CHD6: variants seen among roughly 807,000 people sequenced by gnomAD.
CHD6 encodes the protein chromodomain helicase DNA binding protein 6, also known as ATP-dependent chromatin remodeler CHD6.
Under a neutral mutation model 276.9 loss-of-function variants are expected in CHD6, and 50 were observed. The observed-to-expected ratio is 0.18, with a 90% confidence interval of 0.14 to 0.23. The LOEUF (loss-of-function observed/expected upper bound fraction) is 0.23. Among genes scored for constraint, CHD6 ranks in the 10% least tolerant of loss-of-function variants. The probability of loss-of-function intolerance (pLI) is 1.00; values close to 1 mark genes in which losing one functional copy is unlikely to be tolerated. For missense variants in CHD6, 2,564 were observed against 3,365.8 expected (o/e 0.76, Z 5.89); for synonymous variants, 1,173 against 1,229.3 (o/e 0.95, Z 0.96).
At position 41,527,850 on chromosome 20, in the gene CHD6, T is replaced by C. The variant is rs180796444; in HGVS notation, c.554+5200A>G. 8.3e-4 allele frequency among the ~76,000 whole-genome samples: 127 copies of C among 152,314 alleles called. 1 individual carries two copies. The highest frequency in any genetic ancestry group is 2.9e-3 in the African/African-American group (121 of 41,570). ...ATCAGGTCAGGTGGCTCTGGACTCA[T>C]GAATGGATGAATATTGTTATCACAG... On this transcript the variant is annotated intron_variant, in intron 3 of 36. Transcript: ENST00000373233.
chr20:41,606,321 C>T (rs1245282710), intron 1 of CHD6, among the ~76,000 whole-genome samples: 3 of 152,148 alleles, frequency 2.0e-5, no homozygotes, highest in Non-Finnish European at 2.9e-5. Context: ...ACCACCCTGG[C>T]TAACACGGTG....
chr20:41,529,309 G>C (rs995578523), intron 3 of CHD6, among the ~76,000 whole-genome samples: 1 of 152,108 alleles, frequency 6.6e-6, no homozygotes, highest in African/African-American at 2.4e-5. Flanking sequence ...TTTTGTTGAG[G>C]AAAACAAGTC....
At chr20:41,598,423 G>A (rs552136829) in intron 1 of CHD6, among the ~76,000 whole-genome samples, 9 of 152,140 alleles carry the variant, frequency 5.9e-5, no homozygotes, top group East Asian at 1.9e-4. Flanking sequence ...TGGCTAGCAC[G>A]GATTAAATAT....
intron 5 of CHD6, among the ~76,000 whole-genome samples, chr20:41,511,693 G>A (rs1434967111): frequency 6.6e-6 from 1 of 152,008 alleles, no homozygotes; most frequent in African/African-American, 2.4e-5. Context: ...TTATACCCCA[G>A]CATCCAGCCA....
intron 17 of CHD6, among the ~76,000 whole-genome samples, chr20:41,457,849 G>A (rs2048423296): frequency 6.6e-6 from 1 of 152,098 alleles, no homozygotes; most frequent in African/African-American, 2.4e-5. Context: ...AAAATATAGG[G>A]AAGTATAATG....
intron 2 of CHD6, among the ~76,000 whole-genome samples, chr20:41,539,622 A>T (rs187813516): frequency 6.6e-6 from 1 of 152,360 alleles, no homozygotes. Context: ...CCTTAAGACC[A>T]AATTAGATAA....
chr20:41,445,746 C>G lies in CHD6; in HGVS notation c.3796G>C (p.Asp1266His). The G allele has an allele frequency of 6.2e-7, 1 of 1,613,140 alleles. No individual in the cohort carries two copies. The highest frequency in any genetic ancestry group is 1.1e-5 in the South Asian group (1 of 91,032). ...ACTGGGATCTCCATGTAGTCGATGT[C>G]AGGCAGAGGTACATCCAGCTCCCTA... ...PARELDVPLPDIDYMEIPVDW... is the reference protein window; with the variant it reads ...PARELDVPLPHIDYMEIPVDW... The change falls in exon 25 of 37, where the codon GAC (aspartate) becomes CAC (histidine). Residue 1266 changes from aspartate to histidine, a missense_variant. By Grantham distance (81) the Asp-to-His change is moderately conservative. Coordinates refer to ENST00000373233, the MANE Select transcript of CHD6 (RefSeq NM_032221.5).
intron 11 of CHD6, among the ~76,000 whole-genome samples, chr20:41,490,311 A>T (rs1218519963): frequency 3.9e-5 from 6 of 152,158 alleles, no homozygotes; most frequent in Non-Finnish European, 8.8e-5. Flanking sequence ...AACATCATAG[A>T]GTGTACCTAC....
chr20:41,585,312 T>C (rs1193387836), intron 1 of CHD6, among the ~76,000 whole-genome samples: 1 of 152,058 alleles, frequency 6.6e-6, no homozygotes, highest in Non-Finnish European at 1.5e-5. Context: ...AAGACCAGCC[T>C]GACCAACATG....
At chr20:41,532,308 G>C (rs188897484) in intron 3 of CHD6, among the ~76,000 whole-genome samples, 1 of 152,278 alleles carries the variant, frequency 6.6e-6, no homozygotes, top group East Asian at 1.9e-4. Context: ...TAGATAAACA[G>C]ATCAGGAATG....
chr20:41,456,540 C>T (rs1411982407), intron 18 of CHD6, among the ~76,000 whole-genome samples: 1 of 151,986 alleles, frequency 6.6e-6, no homozygotes, highest in African/African-American at 2.4e-5. Context: ...ATATCAATCA[C>T]AAGAGGGAAT....
At chr20:41,614,052 GTAT>G (rs2146312775) in intron 1 of CHD6, among the ~76,000 whole-genome samples, 1 of 151,000 alleles carries the variant, frequency 6.6e-6, no homozygotes, top group Non-Finnish European at 1.5e-5. Context: ...TGGTCACATA[GTAT>G]ATAAGAAAAT....
At chr20:41,406,272 T>C (rs1240302756) in intron 36 of CHD6, among the ~76,000 whole-genome samples, 1 of 152,230 alleles carries the variant, frequency 6.6e-6, no homozygotes, top group Non-Finnish European at 1.5e-5. Context: ...CTATTTTTTC[T>C]CTATTTGGAG....
chr20:41,475,652 A>G (rs2047507217), intron 16 of CHD6, among the ~76,000 whole-genome samples: 1 of 152,230 alleles, frequency 6.6e-6, no homozygotes, highest in Admixed American at 6.5e-5. Flanking sequence ...TCAATTAAAG[A>G]ACAGCCATTT....
At chr20:41,539,970 A>G (rs1284155137) in intron 2 of CHD6, among the ~76,000 whole-genome samples, 1 of 152,246 alleles carries the variant, frequency 6.6e-6, no homozygotes, top group Non-Finnish European at 1.5e-5. Context: ...AAAAAATACT[A>G]TACGAATGCT....
chr20:41,491,687 T>C lies in CHD6; in HGVS notation c.1436+11A>G. On this transcript the variant is annotated intron_variant, in intron 11 of 36. Coordinates refer to ENST00000373233, the MANE Select transcript of CHD6 (RefSeq NM_032221.5). ...TGGGTACAAACATCTGGGCTGGTTTTGGTTCCTTACCTGTTATACCAGTTA... is the reference window on the plus strand; with the variant it reads ...TGGGTACAAACATCTGGGCTGGTTTCGGTTCCTTACCTGTTATACCAGTTA... The C allele has an allele frequency of 6.2e-7, 1 of 1,613,730 alleles. No individual in the cohort carries two copies. Among genetic ancestry groups the C allele is most frequent in the South Asian group, 1.1e-5 (1 of 91,072 alleles).
intron 26 of CHD6, among the ~76,000 whole-genome samples, chr20:41,437,743 C>T (rs1044563116): frequency 1.3e-5 from 2 of 152,188 alleles, no homozygotes; most frequent in Non-Finnish European, 2.9e-5. Flanking sequence ...CCTTGGTTGG[C>T]CCTCTGGATC....
chr20:41,569,183 C>G (rs972173941), intron 1 of CHD6, among the ~76,000 whole-genome samples: 1 of 152,152 alleles, frequency 6.6e-6, no homozygotes, highest in Admixed American at 6.5e-5. Context: ...ATAGGATCCT[C>G]CTGCCAAACA....
intron 8 of CHD6, among the ~76,000 whole-genome samples, chr20:41,494,435 T>C (rs1252073665): frequency 6.6e-6 from 1 of 152,210 alleles, no homozygotes; most frequent in East Asian, 1.9e-4. Flanking sequence ...ACTTTTATCT[T>C]TATGCACACT....
Sources: gnomAD v4.1 joint callset for allele counts (sites outside exome capture counted in the v4.1 genomes callset) on GRCh38, gnomAD v4.1.1 for gene constraint, MANE v1.5 for transcripts, NCBI Gene and HGNC (gene_info 2026-07-23, HGNC 2026-07-21) for gene names.